Variants in XKR8 observed in about 807,000 individuals in gnomAD.
The protein encoded by XKR8 is XK related 8, also known as XK-related protein 8.
A neutral mutation model predicts 17.1 loss-of-function variants in XKR8; 10 were observed. The observed-to-expected ratio is 0.59, with a 90% CI of 0.36 to 0.99. The LOEUF is 0.99. Ranked by LOEUF, XKR8 falls within the 50% of genes least tolerant of loss-of-function variation. The pLI is 0.01. For missense variants in XKR8, 411 were observed against 515.6 expected (o/e 0.80, Z 1.96); for synonymous variants, 213 against 251.9 (o/e 0.85, Z 1.46).
At chr1:27,961,683 G>T (rs1479791704) in intron 1 of XKR8, among the ~76,000 whole-genome samples, 1 of 152,250 alleles carries the variant, frequency 6.6e-6, no homozygotes, top group Non-Finnish European at 1.5e-5. Context: ...CGAGGCAGGG[G>T]TCCCTGCTAG....
In XKR8 at chr1:27,966,546, G is replaced by T. The variant is rs1160899522; in HGVS notation, c.534G>T (p.Leu178=). 5.6e-6 allele frequency: 9 copies of T among 1,613,800 alleles called. No homozygotes were observed. Among genetic ancestry groups the T allele is most frequent in the Non-Finnish European group, 7.6e-6 (9 of 1,179,950 alleles). ...CTSFLGISWA[L]LDYHRALRTC... ...CCTTCCTGGGCATCTCGTGGGCACT[G>T]CTCGACTACCACCGGGCCTTGCGCA... Residue 178 remains leucine (L), a synonymous_variant, in exon 3 of 3, where the codon CTG becomes CTT. Transcript: ENST00000373884. This position sits in a 1 kb window ranked among gnomAD's most constrained non-coding sequence, Gnocchi z 4.3.
In XKR8 at chr1:27,966,284, C is replaced by T. The variant is rs575455374; in HGVS notation, c.491-219C>T. Among the ~76,000 whole-genome samples, 21 of 152,246 alleles carry T rather than the reference C, an allele frequency of 1.4e-4. No individual in the cohort carries two copies. The highest frequency in any genetic ancestry group is 3.4e-4 in the African/African-American group (14 of 41,538). ...CCCGGATAGCACCTACGCAGCAAAG[C>T]GCTGTGGTGAGGGGCAGGCTCTATA... On this transcript the variant is annotated intron_variant, in intron 2 of 2. Coordinates refer to ENST00000373884, the MANE Select transcript of XKR8 (RefSeq NM_018053.4). This position sits in a 1 kb window ranked among gnomAD's most constrained non-coding sequence, Gnocchi z 4.3.
chr1:27,963,459 CT>C, intron 1 of XKR8, 37 bp from the exon 2 acceptor site: 3 of 1,571,270 alleles, frequency 1.9e-6, no homozygotes, highest in Non-Finnish European at 2.6e-6. Context: ...TCACAGGACA[CT>C]AACCTGGCCC....
chr1:27,965,862 C>A lies in XKR8; in HGVS notation c.491-641C>A, dbSNP rs1638558253. Among the ~76,000 whole-genome samples the A allele has an allele frequency of 6.6e-6, 1 of 152,114 alleles. No individual in the cohort carries two copies. The highest frequency in any genetic ancestry group is 2.4e-5 in the African/African-American group (1 of 41,398). On this transcript the variant is annotated intron_variant, in intron 2 of 2. Coordinates refer to ENST00000373884, the MANE Select transcript of XKR8 (RefSeq NM_018053.4). The surrounding 1 kb of genome is among the most constrained non-coding windows in gnomAD (Gnocchi z 4.1). ...CCCTGGAGGCCCTTGTGCTTCTGCT[C>A]CAGGATTGGCAACCAGGAGGTGGGA...
At position 27,960,147 on chromosome 1, in the gene XKR8, C is replaced by T; in HGVS notation, c.78C>T (p.Asp26=). 6.5e-7 allele frequency: 1 copy of T among 1,527,164 alleles called. No homozygotes were observed. The highest frequency in any genetic ancestry group is 1.2e-5 in the South Asian group (1 of 82,750). 94.6% of individuals were successfully genotyped at this position (1,527,164 alleles called of 1,614,324 possible). ...GVLGTAAFLL[D]LGTDLWAAVQ... is the part of the protein sequence containing the mutation. ...TGGGCACCGCCGCCTTCCTGCTCGA[C>T]CTGGGCACCGACCTGTGGGCCGCCG... Residue 26 remains aspartate (D), a synonymous_variant, in exon 1 of 3, where the codon GAC becomes GAT. Coordinates refer to ENST00000373884, the MANE Select transcript of XKR8 (RefSeq NM_018053.4). The surrounding 1 kb of genome is among the most constrained non-coding windows in gnomAD (Gnocchi z 5.9).
At position 27,966,623 on chromosome 1, in the gene XKR8, T is replaced by C. The variant is rs754258148; in HGVS notation, c.611T>C (p.Phe204Ser). Residue 204 changes from phenylalanine (F) to serine (S), a missense_variant, in exon 3 of 3, where the codon TTC becomes TCC. Physicochemically the swap from Phe to Ser is radical, Grantham distance 155. Transcript: ENST00000373884. The surrounding 1 kb of genome is among the most constrained non-coding windows in gnomAD (Gnocchi z 4.3). Reference sequence around the variant, plus strand: ...GGCCTGGGCTCCTCCGTGATCTACTTCCTGTGGAACCTGCTGCTGCTGTGG... The same window carrying C: ...GGCCTGGGCTCCTCCGTGATCTACTCCCTGTGGAACCTGCTGCTGCTGTGG... Reference protein sequence around the residue: ...LLGLGSSVIYFLWNLLLLWPR... With the variant: ...LLGLGSSVIYSLWNLLLLWPR... The C allele has an allele frequency of 1.9e-6, 3 of 1,613,956 alleles. No homozygotes were observed. Among genetic ancestry groups the C allele is most frequent in the Admixed American group, 1.7e-5 (1 of 59,988 alleles).
chr1:27,962,829 GT>G (rs1157856258), intron 1 of XKR8, among the ~76,000 whole-genome samples: 2 of 152,132 alleles, frequency 1.3e-5, no homozygotes, highest in African/African-American at 4.8e-5. Context: ...CTGGCCTCCA[GT>G]GATCCTCTTG....
chr1:27,967,177 G>T lies in XKR8; in HGVS notation c.1165G>T (p.Ala389Ser). The change falls in exon 3 of 3, where the codon GCT (alanine) becomes TCT (serine). Residue 389 changes from alanine to serine, a missense_variant. Physicochemically the swap from Ala to Ser is moderately conservative, Grantham distance 99. Coordinates refer to ENST00000373884, the MANE Select transcript of XKR8 (RefSeq NM_018053.4). This position sits in a 1 kb window ranked among gnomAD's most constrained non-coding sequence, Gnocchi z 4.3. ...QKFFPKAKDE[A>S]ASPVKG ...GTTTTTCCCCAAGGCTAAGGATGAG[G>T]CTGCTTCGCCAGTGAAGGGATAGGT... is the stretch of plus-strand genomic sequence containing the variant. 6.4e-7 allele frequency: 1 copy of T among 1,564,140 alleles called. No individual in the cohort carries two copies. Among genetic ancestry groups the T allele is most frequent in the Non-Finnish European group, 8.7e-7 (1 of 1,152,388 alleles).
At chr1:27,964,552 C>T (rs927254876) in intron 2 of XKR8, among the ~76,000 whole-genome samples, 1 of 152,122 alleles carries the variant, frequency 6.6e-6, no homozygotes, top group Non-Finnish European at 1.5e-5. Context: ...TTGTGCATCT[C>T]TTCTGTGCCT....
chr1:27,965,602 C>G lies in XKR8; in HGVS notation c.491-901C>G, dbSNP rs2148687330. ...GAAGTGGGGCCTGTGCTTCTGGCGA[C>G]CTAACATCCTGGGCAGAGCTTGTCA... On this transcript the variant is annotated intron_variant, in intron 2 of 2. Coordinates refer to ENST00000373884, the MANE Select transcript of XKR8 (RefSeq NM_018053.4). The surrounding 1 kb of genome is among the most constrained non-coding windows in gnomAD (Gnocchi z 4.1). Among the ~76,000 whole-genome samples the G allele has an allele frequency of 6.6e-6, 1 of 152,166 alleles. No homozygotes were observed. Among genetic ancestry groups the G allele is most frequent in the South Asian group, 2.1e-4 (1 of 4,810 alleles).
In XKR8 at chr1:27,962,590, G is replaced by GA. The variant is rs773470872; in HGVS notation, c.294-896dup. ...TGTAGACTCTGTCTCCAAAAAAAAA[G>GA]AAAAAAAAAAAGAGAGAGAGAGGCA... On this transcript the variant is annotated intron_variant, in intron 1 of 2. Coordinates refer to ENST00000373884, the MANE Select transcript of XKR8 (RefSeq NM_018053.4). Among the ~76,000 whole-genome samples the GA allele has an allele frequency of 7.7e-3, 1,091 of 142,400 alleles. 6 individuals carry two copies. Among genetic ancestry groups the GA allele is most frequent in the Non-Finnish European group, 0.012 (748 of 64,204 alleles). 93.4% of individuals were successfully genotyped at this position (142,400 alleles called of 152,430 possible).
rs1011870387 is a variant in XKR8 at position 27,965,607 on chromosome 1, C to T, written c.491-896C>T. ...GGGGCCTGTGCTTCTGGCGACCTAA[C>T]ATCCTGGGCAGAGCTTGTCAAGGTC... On this transcript the variant is annotated intron_variant, in intron 2 of 2. Transcript: ENST00000373884. This position sits in a 1 kb window ranked among gnomAD's most constrained non-coding sequence, Gnocchi z 4.1. Among the ~76,000 whole-genome samples, 5 of 152,090 alleles carry T rather than the reference C, an allele frequency of 3.3e-5. No individual in the cohort carries two copies. The highest frequency in any genetic ancestry group is 1.2e-4 in the African/African-American group (5 of 41,416).
chr1:27,960,681 A>ATT lies in XKR8; in HGVS notation c.293+321_293+322dup, dbSNP rs1571671628. 6.6e-6 allele frequency among the ~76,000 whole-genome samples: 1 copy of ATT among 152,114 alleles called. No individual in the cohort carries two copies. Among genetic ancestry groups the ATT allele is most frequent in the East Asian group, 1.9e-4 (1 of 5,170 alleles). ...TTGCCCCCTCTCGCCTCACTTCTGCATTTCTCTGAGCCTCAGTTTCCTCCT... is the reference window on the plus strand; with the variant it reads ...TTGCCCCCTCTCGCCTCACTTCTGCATTTTTCTCTGAGCCTCAGTTTCCTCCT... On this transcript the variant is annotated intron_variant, in intron 1 of 2. Coordinates refer to ENST00000373884, the MANE Select transcript of XKR8 (RefSeq NM_018053.4). This position sits in a 1 kb window ranked among gnomAD's most constrained non-coding sequence, Gnocchi z 5.9.
At chr1:27,963,422 C>G in intron 1 of XKR8, 75 bp from the exon 2 acceptor site, 35 of 1,520,168 alleles carry the variant, frequency 2.3e-5, no homozygotes, top group Non-Finnish European at 3.1e-5. Context: ...TGTGTCCACT[C>G]ATTAGATGGG....
intron 2 of XKR8, 68 bp downstream of exon 2, chr1:27,963,761 GT>G: frequency 7.1e-7 from 1 of 1,414,908 alleles, no homozygotes; most frequent in Non-Finnish European, 9.4e-7. Flanking sequence ...TGTTGGAACT[GT>G]TTTTAGTCTT....
Position 27,966,537 on chromosome 1 carries a change from G to A in XKR8, c.525G>A (p.Ser175=), listed in dbSNP as rs371532571. 18 of 1,613,680 alleles carry A rather than the reference G, an allele frequency of 1.1e-5. No individual in the cohort carries two copies. Among genetic ancestry groups the A allele is most frequent in the Admixed American group, 5.0e-5 (3 of 59,980 alleles). The part of the protein sequence containing the change: ...VGICTSFLGI[S]WALLDYHRAL... The stretch of plus-strand genomic sequence containing the variant: ...TCTGCACATCCTTCCTGGGCATCTC[G>A]TGGGCACTGCTCGACTACCACCGGG... The change falls in exon 3 of 3, where the codon TCG becomes TCA. Residue 175 remains serine, a synonymous_variant. Coordinates refer to ENST00000373884, the MANE Select transcript of XKR8 (RefSeq NM_018053.4). This position sits in a 1 kb window ranked among gnomAD's most constrained non-coding sequence, Gnocchi z 4.3.
Position 27,965,342 on chromosome 1 carries a change from A to G in XKR8, c.491-1161A>G, listed in dbSNP as rs1354595929. Among the ~76,000 whole-genome samples, 1 of 152,140 alleles carries G rather than the reference A, an allele frequency of 6.6e-6. No individual in the cohort carries two copies. The highest frequency in any genetic ancestry group is 1.5e-5 in the Non-Finnish European group (1 of 68,028). ...AGCAAACATCTCTTTCGCTGCTGTT[A>G]TGTGCCAGGTACTGGGCTGCTGGGG... On this transcript the variant is annotated intron_variant, in intron 2 of 2. Coordinates refer to ENST00000373884, the MANE Select transcript of XKR8 (RefSeq NM_018053.4). The surrounding 1 kb of genome is among the most constrained non-coding windows in gnomAD (Gnocchi z 4.1).
chr1:27,965,305 T>G lies in XKR8; in HGVS notation c.491-1198T>G, dbSNP rs1022022220. Among the ~76,000 whole-genome samples the G allele has an allele frequency of 6.6e-6, 1 of 152,178 alleles. No homozygotes were observed. Among genetic ancestry groups the G allele is most frequent in the Non-Finnish European group, 1.5e-5 (1 of 68,024 alleles). Reference sequence around the variant, plus strand: ...GTAAGGGGGCGAGACAGATTTTCCCTACTTTTTATTTAGCAAACATCTCTT... The same window carrying G: ...GTAAGGGGGCGAGACAGATTTTCCCGACTTTTTATTTAGCAAACATCTCTT... On this transcript the variant is annotated intron_variant, in intron 2 of 2. Coordinates refer to ENST00000373884, the MANE Select transcript of XKR8 (RefSeq NM_018053.4). This position sits in a 1 kb window ranked among gnomAD's most constrained non-coding sequence, Gnocchi z 4.1.
Position 27,960,217 on chromosome 1 carries a change from C to G in XKR8, c.148C>G (p.Leu50Val), listed in dbSNP as rs1201923026. 1 of 1,526,964 alleles carries G rather than the reference C, an allele frequency of 6.5e-7. No individual in the cohort carries two copies. The highest frequency in any genetic ancestry group is 8.7e-7 in the Non-Finnish European group (1 of 1,143,954). The allele number at this position is 1,526,964 out of a possible 1,614,324, so 94.6% of individuals were successfully genotyped here. Reference protein sequence around the residue: ...GGRYLWAALVLALLGLASVAL... With the variant: ...GGRYLWAALVVALLGLASVAL... ...CCGCTACCTGTGGGCGGCGCTGGTG[C>G]TGGCGCTGCTGGGCCTGGCCTCCGT... Residue 50 changes from leucine (L) to valine (V), a missense_variant, in exon 1 of 3, where the codon CTG (leucine) becomes GTG (valine). By Grantham distance (32) the Leu-to-Val change is conservative. Coordinates refer to ENST00000373884, the MANE Select transcript of XKR8 (RefSeq NM_018053.4). This position sits in a 1 kb window ranked among gnomAD's most constrained non-coding sequence, Gnocchi z 5.9.
Sources: allele counts gnomAD v4.1 joint callset (sites outside exome capture counted in the v4.1 genomes callset), GRCh38; gene constraint gnomAD v4.1.1; non-coding constraint Gnocchi (gnomAD v3.1); transcripts MANE v1.5; gene names NCBI Gene and HGNC (gene_info 2026-07-23, HGNC 2026-07-21).